The following PCNX4 variants were observed in gnomAD, a reference collection of about 807,000 sequenced individuals.
The protein encoded by PCNX4 is pecanex 4, also known as pecanex-like protein 4.
A neutral mutation model predicts 107.2 loss-of-function variants in PCNX4; 103 were observed. The ratio of observed to expected loss-of-function variants is 0.96; its 90% confidence interval spans 0.82 to 1.13. The LOEUF is 1.13. Ranked by LOEUF, PCNX4 falls within the 50% of genes most tolerant of loss-of-function variation. The pLI, the probability that PCNX4 is intolerant of heterozygous loss-of-function variation, is 0.00. For missense variants in PCNX4, 1,528 were observed against 1,379.4 expected, an observed-to-expected ratio of 1.11 and a Z score of -1.71; for synonymous variants, 541 against 481.7, an observed-to-expected ratio of 1.12 and a Z score of -1.61.
chr14:60,097,768 A>G (rs532119268), intron 1 of PCNX4, among the ~76,000 whole-genome samples: 3 of 152,330 alleles, frequency 2.0e-5, no homozygotes, highest in East Asian at 3.9e-4. Flanking sequence ...CCTAGGACTA[A>G]TGTTCTTACC....
chr14:60,101,017 CTG>C (rs1187328675), intron 1 of PCNX4, among the ~76,000 whole-genome samples: 1 of 152,212 alleles, frequency 6.6e-6, no homozygotes, highest in Non-Finnish European at 1.5e-5. Context: ...AGTCTGCTCT[CTG>C]AGAGCTTCCT....
chr14:60,108,327 G>A lies in PCNX4; in HGVS notation c.689G>A (p.Arg230Lys), dbSNP rs776843850. 7 of 1,590,058 alleles carry A rather than the reference G, an allele frequency of 4.4e-6. No homozygotes were observed. The South Asian group carries it at 6.9e-5, about 16-fold the overall frequency. ...TTTGTTTCTGTGGATCTGGCACACA[G>A]GTAAAAACCTACCAAATACTTTGTA... ...FFFVSVDLAH[R>K]FVVNMPALEH... Residue 230 changes from arginine (R) to lysine (K), a missense_variant and splice_region_variant, in exon 2 of 11, where the codon AGG becomes AAG. Arg to Lys is a conservative substitution (Grantham distance 26, BLOSUM62 2). Coordinates refer to ENST00000406854, the MANE Select transcript of PCNX4 (RefSeq NM_001330177.2).
rs532746487 is a variant in PCNX4 at position 60,144,054 on chromosome 14, A to G, written c.*9833A>G. ...TCTTTCTTCATCTATCAAGGTAGGTAATACCATCTATCTTAGTGGGCTGTT... is the reference window on the plus strand; with the variant it reads ...TCTTTCTTCATCTATCAAGGTAGGTGATACCATCTATCTTAGTGGGCTGTT... On this transcript the variant is annotated 3_prime_UTR_variant, in exon 11 of 11. Coordinates refer to ENST00000406854, the MANE Select transcript of PCNX4 (RefSeq NM_001330177.2). The G allele has an allele frequency of 6.6e-6, 1 of 152,336 alleles. No homozygotes were observed. The highest frequency in any genetic ancestry group is 1.9e-4 in the East Asian group (1 of 5,188). The allele number at this position is 152,336 out of a possible 1,614,324, so 9.4% of individuals were successfully genotyped here.
rs781055775 is a variant in PCNX4 at position 60,124,901 on chromosome 14, A to G, written c.2730A>G (p.Val910=). Reference sequence around the variant, plus strand: ...TCAGTTGTTCACATTCTCACTTAGTATGCTTACCCGCAGAGTGGAGGACTA... The same window carrying G: ...TCAGTTGTTCACATTCTCACTTAGTGTGCTTACCCGCAGAGTGGAGGACTA... The part of the protein sequence containing the change: ...MEFSCSHSHL[V]CLPAEWRTSC... Residue 910 remains valine (V), a synonymous_variant, in exon 9 of 11, where the codon GTA becomes GTG. Transcript: ENST00000406854. The G allele has an allele frequency of 2.5e-6, 4 of 1,613,842 alleles. No homozygotes were observed. Among genetic ancestry groups the G allele is most frequent in the Middle Eastern group, 1.6e-4 (1 of 6,062 alleles).
chr14:60,141,336 AC>A lies in PCNX4; in HGVS notation c.*7116del, dbSNP rs1173274852. Reference sequence around the variant, plus strand: ...AAACTGCAAATAGAAAAATACATAAACAAAAAACTGGTTCTTCAAAAAACAA... The same window carrying A: ...AAACTGCAAATAGAAAAATACATAAAAAAAAACTGGTTCTTCAAAAAACAA... On this transcript the variant is annotated 3_prime_UTR_variant, in exon 11 of 11. Transcript: ENST00000406854. The A allele has an allele frequency of 6.6e-6, 1 of 151,996 alleles. No homozygotes were observed. Among genetic ancestry groups the A allele is most frequent in the Non-Finnish European group, 1.5e-5 (1 of 68,032 alleles). The allele number at this position is 151,996 out of a possible 1,614,324, so 9.4% of individuals were successfully genotyped here.
chr14:60,103,330 C>T (rs558468085), intron 1 of PCNX4, among the ~76,000 whole-genome samples: 4 of 152,240 alleles, frequency 2.6e-5, no homozygotes, highest in Admixed American at 6.5e-5. Context: ...TCAAATGACA[C>T]ATTTTAAGCA....
At chr14:60,093,820 G>T (rs1895363370) in intron 1 of PCNX4, among the ~76,000 whole-genome samples, 1 of 151,964 alleles carries the variant, frequency 6.6e-6, no homozygotes, top group African/African-American at 2.4e-5. Context: ...TATGTTTGAG[G>T]GTTCTGATTT....
In PCNX4 at chr14:60,143,884, G is replaced by A. The variant is rs558823719; in HGVS notation, c.*9663G>A. 1 of 152,178 alleles carries A rather than the reference G, an allele frequency of 6.6e-6. No homozygotes were observed. The highest frequency in any genetic ancestry group is 1.5e-5 in the Non-Finnish European group (1 of 68,048). The allele number at this position is 152,178 out of a possible 1,614,324, so 9.4% of individuals were successfully genotyped here. A position where few individuals can be genotyped will look rare whatever the true frequency, so the allele number is the denominator to read the frequency against. ...CTATTAGTGCCTGTGCATGTTTTCTGCTGTAAGGTGTTAAATGTTAAAGTA... is the reference window on the plus strand; with the variant it reads ...CTATTAGTGCCTGTGCATGTTTTCTACTGTAAGGTGTTAAATGTTAAAGTA... On this transcript the variant is annotated 3_prime_UTR_variant, in exon 11 of 11. Coordinates refer to ENST00000406854, the MANE Select transcript of PCNX4 (RefSeq NM_001330177.2).
intron 1 of PCNX4, among the ~76,000 whole-genome samples, chr14:60,098,673 T>G (rs1895472831): frequency 6.6e-6 from 1 of 152,160 alleles, no homozygotes; most frequent in Admixed American, 6.5e-5. Flanking sequence ...GCACGGTGGC[T>G]CACACCTGTA....
intron 10 of PCNX4, among the ~76,000 whole-genome samples, chr14:60,132,682 G>T (rs1404392814): frequency 6.6e-6 from 1 of 151,848 alleles, no homozygotes; most frequent in African/African-American, 2.4e-5. Flanking sequence ...CTCACAGAAT[G>T]GGAAAAATAT....
At position 60,116,454 on chromosome 14, in the gene PCNX4, A is replaced by G. The variant is rs553422735; in HGVS notation, c.1578+394A>G. 6.6e-5 allele frequency among the ~76,000 whole-genome samples: 10 copies of G among 152,312 alleles called. No homozygotes were observed. The South Asian group carries it at 2.1e-3, about 32-fold the overall frequency. On this transcript the variant is annotated intron_variant, in intron 6 of 10. Transcript: ENST00000406854. Reference sequence around the variant, plus strand: ...TCAGTCAATGACAGACCACATATACAACGGTGGTTTCATAAGATTATTATG... The same window carrying G: ...TCAGTCAATGACAGACCACATATACGACGGTGGTTTCATAAGATTATTATG...
chr14:60,099,655 T>C (rs1206437942), intron 1 of PCNX4, among the ~76,000 whole-genome samples: 1 of 152,236 alleles, frequency 6.6e-6, no homozygotes, highest in Non-Finnish European at 1.5e-5. Context: ...ATAATTTATC[T>C]TTTAGCTGTT....
In PCNX4 at chr14:60,146,234, T is replaced by C. The variant is rs937116518; in HGVS notation, c.*12013T>C. The C allele has an allele frequency of 8.6e-5, 13 of 151,510 alleles. No homozygotes were observed. Among genetic ancestry groups the C allele is most frequent in the East Asian group, 7.7e-4 (4 of 5,196 alleles). The allele number at this position is 151,510 out of a possible 1,614,324, so 9.4% of individuals were successfully genotyped here. A position where few individuals can be genotyped will look rare whatever the true frequency, so the allele number is the denominator to read the frequency against. ...TCATTTTTTTAGAAAAACCTAGATG[T>C]AAAAAAAATGCGAGATTTGCTAAAT... On this transcript the variant is annotated 3_prime_UTR_variant, in exon 11 of 11. Transcript: ENST00000406854. The surrounding 1 kb of genome is among the most constrained non-coding windows in gnomAD (Gnocchi z 4.9).
At chr14:60,133,557 G>A (rs1896192279) in intron 10 of PCNX4, 1 of 419,784 alleles carries the variant, frequency 2.4e-6, no homozygotes, top group Non-Finnish European at 4.7e-6. Flanking sequence ...CCACTGAATT[G>A]CATATAGTAA....
chr14:60,119,375 G>A (rs2140554896), intron 7 of PCNX4, among the ~76,000 whole-genome samples: 1 of 152,232 alleles, frequency 6.6e-6, no homozygotes, highest in East Asian at 1.9e-4. Context: ...TGACACTAGT[G>A]TGTCATCTCC....
rs536730543 is a variant in PCNX4, at chr14:60,124,806, G to A, written c.2635G>A (p.Val879Ile). 6.2e-7 allele frequency: 1 copy of A among 1,613,718 alleles called. No individual in the cohort carries two copies. Among genetic ancestry groups the A allele is most frequent in the Non-Finnish European group, 8.5e-7 (1 of 1,179,790 alleles). ...TVPENDLYKAVLLGYPAVDKG... is the reference protein window; with the variant it reads ...TVPENDLYKAILLGYPAVDKG... ...TCCTGAAAACGATCTTTACAAAGCA[G>A]TTCTATTAGGATACCCTGCTGTTGA... Residue 879 changes from valine to isoleucine, a missense_variant, in exon 9 of 11, where the codon GTT becomes ATT. Val to Ile is a conservative substitution (Grantham distance 29). Transcript: ENST00000406854.
Position 60,145,288 on chromosome 14 carries a change from T to A in PCNX4, c.*11067T>A. 3.8e-6 allele frequency: 1 copy of A among 262,526 alleles called. No homozygotes were observed. The highest frequency in any genetic ancestry group is 7.2e-5 in the East Asian group (1 of 13,846). The allele number at this position is 262,526 out of a possible 1,614,324, so 16.3% of individuals were successfully genotyped here. A position where few individuals can be genotyped will look rare whatever the true frequency, so the allele number is the denominator to read the frequency against. On this transcript the variant is annotated 3_prime_UTR_variant, in exon 11 of 11. Transcript: ENST00000406854. The surrounding 1 kb of genome is among the most constrained non-coding windows in gnomAD (Gnocchi z 4.0). ...ATGCTAAATTCTCTATAATGACTTTTCTGGATCAGCATATCATACCTACAC... is the reference window on the plus strand; with the variant it reads ...ATGCTAAATTCTCTATAATGACTTTACTGGATCAGCATATCATACCTACAC...
At chr14:60,119,523 ATG>A (rs1462285653) in intron 7 of PCNX4, among the ~76,000 whole-genome samples, 1 of 152,208 alleles carries the variant, frequency 6.6e-6, no homozygotes, top group Non-Finnish European at 1.5e-5. Flanking sequence ...TCTAATTATT[ATG>A]TGAGATGATT....
intron 2 of PCNX4, among the ~76,000 whole-genome samples, chr14:60,112,334 A>G (rs540705458): frequency 6.6e-6 from 1 of 152,278 alleles, no homozygotes; most frequent in South Asian, 2.1e-4. Context: ...GTTAGGTTCC[A>G]AACTAAGTTT....
Sources: gnomAD v4.1 joint callset for allele counts (sites outside exome capture counted in the v4.1 genomes callset) on GRCh38, gnomAD v4.1.1 for gene constraint, Gnocchi (gnomAD v3.1) non-coding constraint, MANE v1.5 for transcripts, NCBI Gene and HGNC (gene_info 2026-07-23, HGNC 2026-07-21) for gene names.